ZNF608: variants seen among roughly 807,000 people sequenced by gnomAD.
ZNF608 encodes renal carcinoma antigen NY-REN-36.
Under a neutral mutation model 109.0 loss-of-function variants are expected in ZNF608, and 12 were observed. The observed-to-expected ratio is 0.11, with a 90% confidence interval of 0.07 to 0.18. The LOEUF (loss-of-function observed/expected upper bound fraction) is 0.18. ZNF608 is among the 10% of genes least tolerant of loss of function. The pLI is 1.00. For missense variants in ZNF608, 1,707 were observed against 1,879.3 expected (o/e 0.91, Z 1.70); for synonymous variants, 732 against 717.4 (o/e 1.02, Z -0.33).
chr5:124,734,853 C>T (rs1451535484), intron 2 of ZNF608: 1 of 152,172 alleles, frequency 6.6e-6, no homozygotes, highest in Non-Finnish European at 1.5e-5. Flanking sequence ...TAAAACACTG[C>T]ATAGGGACCG....
chr5:124,641,476 T>C (rs1750237585), intron 7 of ZNF608, 71 bp from the exon 8 acceptor site: 13 of 1,457,286 alleles, frequency 8.9e-6, no homozygotes, highest in South Asian at 1.4e-5. Context: ...TAAACCACCT[T>C]TGTCCCTTCG....
chr5:124,648,174 G>A lies in ZNF608; in HGVS notation c.2210C>T (p.Pro737Leu). Residue 737 changes from proline to leucine, a missense_variant, in exon 5 of 10, where the codon CCC (proline) becomes CTC (leucine). Around this residue, in one of 7 missense-constraint regions of ZNF608, gnomAD observed 1,073 missense variants for 1,133.5 expected, o/e 0.95. Transcript: ENST00000513986. The stretch of plus-strand genomic sequence containing the variant: ...AGTGGGGGCTGGGGCAGGGGCAATG[G>A]GCCGGGCACTTTTCAGTTTAGAGAG... ...KNLSKLKSAR[P>L]IAPAPAPTPP... 3 of 1,613,434 alleles carry A rather than the reference G, an allele frequency of 1.9e-6. No individual in the cohort carries two copies. The highest frequency in any genetic ancestry group is 2.5e-6 in the Non-Finnish European group (3 of 1,179,764).
Position 124,647,310 on chromosome 5 carries a change from G to C in ZNF608, c.3074C>G (p.Thr1025Arg). 1 of 1,614,044 alleles carries C rather than the reference G, an allele frequency of 6.2e-7. No homozygotes were observed. Residue 1025 changes from threonine to arginine, a missense_variant, in exon 5 of 10, where the codon ACG (threonine) becomes AGG (arginine). Thr to Arg is a moderately conservative substitution (Grantham distance 71, BLOSUM62 -1). Around this residue, in one of 7 missense-constraint regions of ZNF608, gnomAD observed 1,073 missense variants for 1,133.5 expected, o/e 0.95. Coordinates refer to ENST00000513986, the MANE Select transcript of ZNF608 (RefSeq NM_020747.3). ...CTCCTTCTTGATCTTCATTCCCTGC[G>C]TGCTCCCACTATTTCCAGCTGCAGG... Reference protein sequence around the residue: ...GAPAAGNSGSTQGMKIKKESE... With the variant: ...GAPAAGNSGSRQGMKIKKESE...
At chr5:124,692,485 C>T (rs1459928815) in intron 3 of ZNF608, among the ~76,000 whole-genome samples, 1 of 152,202 alleles carries the variant, frequency 6.6e-6, no homozygotes. Context: ...ATCAACCCAG[C>T]TGAAGCTGAT....
At chr5:124,639,004 A>G (rs1428189754) in intron 9 of ZNF608, 129 bp downstream of exon 9, 1 of 925,640 alleles carries the variant, frequency 1.1e-6, no homozygotes, top group Non-Finnish European at 1.7e-6. Context: ...TTGGCATAAT[A>G]AACACATTCA....
chr5:124,696,921 A>G (rs1752870535), intron 3 of ZNF608, among the ~76,000 whole-genome samples: 1 of 152,144 alleles, frequency 6.6e-6, no homozygotes, highest in Non-Finnish European at 1.5e-5. Flanking sequence ...TCACCTAGGG[A>G]GCTTTGACAA....
Position 124,656,331 on chromosome 5 carries a change from T to C in ZNF608, c.1163-6634A>G, listed in dbSNP as rs554152331. Among the ~76,000 whole-genome samples the C allele has an allele frequency of 8.5e-5, 13 of 152,282 alleles. No individual in the cohort carries two copies. The South Asian group carries it at 2.5e-3, about 29-fold the overall frequency. On this transcript the variant is annotated intron_variant, in intron 3 of 9. Coordinates refer to ENST00000513986, the MANE Select transcript of ZNF608 (RefSeq NM_020747.3). ...ATGAAAGCACAGTGAGCTTAAAGAT[T>C]AAAGGACTGAAGGGCTAAAAATTGC...
intron 2 of ZNF608, among the ~76,000 whole-genome samples, chr5:124,741,855 G>A (rs1476727770): frequency 6.6e-6 from 1 of 152,132 alleles, no homozygotes; most frequent in Non-Finnish European, 1.5e-5. Context: ...AAGGAATAAT[G>A]TTTGAGATCC....
Position 124,644,575 on chromosome 5 carries a change from C to A in ZNF608, c.3792G>T (p.Lys1264Asn). 1 of 1,613,820 alleles carries A rather than the reference C, an allele frequency of 6.2e-7. No homozygotes were observed. Among genetic ancestry groups the A allele is most frequent in the Non-Finnish European group, 8.5e-7 (1 of 1,179,916 alleles). The part of the protein sequence containing the change: ...QQKSEELDRE[K>N]KLKEDSPRKT... ...TCCTCGGACTATCCTCTTTTAATTT[C>A]TTCTCTCTATCAAGTTCTTCTGACT... Residue 1264 changes from lysine (K) to asparagine (N), a missense_variant, in exon 6 of 10, where the codon AAG becomes AAT. Physicochemically the swap from Lys to Asn is moderately conservative, Grantham distance 94 (BLOSUM62 0). Coordinates refer to ENST00000513986, the MANE Select transcript of ZNF608 (RefSeq NM_020747.3).
chr5:124,716,098 G>C (rs10067923), intron 2 of ZNF608, among the ~76,000 whole-genome samples: 1 of 144,568 alleles, frequency 6.9e-6, no homozygotes, highest in Non-Finnish European at 1.5e-5. Context: ...AGCCGAGATC[G>C]CGCCACTGCA....
intron 2 of ZNF608, among the ~76,000 whole-genome samples, chr5:124,717,507 A>T (rs1753752177): frequency 6.6e-6 from 1 of 152,186 alleles, no homozygotes; most frequent in African/African-American, 2.4e-5. Context: ...TTTAAAAATC[A>T]CAAACCATTC....
Position 124,639,228 on chromosome 5 carries a change from A to G in ZNF608, c.4451-14T>C. On this transcript the variant is annotated splice_polypyrimidine_tract_variant and intron_variant, in intron 8 of 9. Coordinates refer to ENST00000513986, the MANE Select transcript of ZNF608 (RefSeq NM_020747.3). ...CAGAGGTCAAGCCTAATGGGGAAAA[A>G]ATGTAGAGTGTCTGTGATCTTTAGA... 1 of 1,613,106 alleles carries G rather than the reference A, an allele frequency of 6.2e-7. No homozygotes were observed. Among genetic ancestry groups the G allele is most frequent in the Admixed American group, 1.7e-5 (1 of 60,022 alleles).
chr5:124,668,459 T>C (rs992156029), intron 3 of ZNF608, among the ~76,000 whole-genome samples: 2 of 151,774 alleles, frequency 1.3e-5, no homozygotes, highest in Non-Finnish European at 2.9e-5. Flanking sequence ...ATTCCATATT[T>C]GTCCTCCTTA....
chr5:124,641,515 A>G, intron 7 of ZNF608, 110 bp from the exon 8 acceptor site: 1 of 1,184,846 alleles, frequency 8.4e-7, no homozygotes, highest in Non-Finnish European at 1.1e-6. Flanking sequence ...TTAAAAAGTA[A>G]ATATAAAGAT....
At chr5:124,694,130 C>A (rs180888255) in intron 3 of ZNF608, among the ~76,000 whole-genome samples, 1 of 143,478 alleles carries the variant, frequency 7.0e-6, no homozygotes, top group African/African-American at 2.6e-5. Context: ...CGCCCGCCAC[C>A]ACGCTCGGCT....
chr5:124,673,144 C>T (rs1751799438), intron 3 of ZNF608, among the ~76,000 whole-genome samples: 1 of 152,152 alleles, frequency 6.6e-6, no homozygotes, highest in Non-Finnish European at 1.5e-5. Context: ...GCATCCCCAC[C>T]ATCAGTATGA....
Position 124,646,177 on chromosome 5 carries a change from C to T in ZNF608, c.3705+502G>A, listed in dbSNP as rs187182115. ...GGAGATCGAGACCATCTCGCTAACACGGTGAAACCCCATCTCTACTAAAAA... is the reference window on the plus strand; with the variant it reads ...GGAGATCGAGACCATCTCGCTAACATGGTGAAACCCCATCTCTACTAAAAA... On this transcript the variant is annotated intron_variant, in intron 5 of 9. Coordinates refer to ENST00000513986, the MANE Select transcript of ZNF608 (RefSeq NM_020747.3). 2.4e-3 allele frequency among the ~76,000 whole-genome samples: 364 copies of T among 152,088 alleles called. 2 individuals carry two copies. Among genetic ancestry groups the T allele is most frequent in the African/African-American group, 8.5e-3 (351 of 41,484 alleles).
At chr5:124,650,352 A>T (rs1000173083) in intron 3 of ZNF608, among the ~76,000 whole-genome samples, 1 of 152,182 alleles carries the variant, frequency 6.6e-6, no homozygotes. Flanking sequence ...TTTCATATTA[A>T]GGACTCCTAA....
At chr5:124,714,813 G>T (rs749797084) in intron 2 of ZNF608, among the ~76,000 whole-genome samples, 1 of 152,184 alleles carries the variant, frequency 6.6e-6, no homozygotes, top group Non-Finnish European at 1.5e-5. Context: ...ACATACTGCT[G>T]TAGTCTCTGA....
Sources: allele counts gnomAD v4.1 joint callset (sites outside exome capture counted in the v4.1 genomes callset), GRCh38; gene constraint gnomAD v4.1.1; regional missense constraint gnomAD v4.1.1; transcripts MANE v1.5; gene names NCBI Gene and HGNC (gene_info 2026-07-23, HGNC 2026-07-21).